Variants in SON observed in about 807,000 individuals in gnomAD.
SON encodes protein SON.
SON carries 4 observed loss-of-function variants against 173.3 expected under a neutral mutation model. The observed-to-expected ratio is 0.02, with a 90% CI of 0.01 to 0.05. The LOEUF (loss-of-function observed/expected upper bound fraction) is 0.05. Ranked by LOEUF, SON falls within the 10% of genes least tolerant of loss-of-function variation. SON has a pLI of 1.00. For synonymous variants in SON, 1,190 were observed against 1,105.9 expected, an observed-to-expected ratio of 1.08 and a Z score of -1.51; for missense variants, 2,626 against 3,055.3, an observed-to-expected ratio of 0.86 and a Z score of 3.31.
chr21:33,563,650 A>G (rs1410665461), intron 6 of SON, among the ~76,000 whole-genome samples: 1 of 152,178 alleles, frequency 6.6e-6, no homozygotes, highest in African/African-American at 2.4e-5. Flanking sequence ...AGTCTCTTAA[A>G]ATATTGTTCT....
chr21:33,573,217 T>A, intron 8 of SON, 91 bp from the exon 9 acceptor site: 1 of 1,073,128 alleles, frequency 9.3e-7, no homozygotes, highest in Non-Finnish European at 1.4e-6. Flanking sequence ...AGAAGTAAAG[T>A]AAGATTCCTC....
At chr21:33,556,489 G>A (rs1298008331) in intron 3 of SON, among the ~76,000 whole-genome samples, 1 of 152,104 alleles carries the variant, frequency 6.6e-6, no homozygotes, top group Non-Finnish European at 1.5e-5. Context: ...GAGGCAGGTG[G>A]ATCACCTGAG....
At chr21:33,543,228 C>A in intron 1 of SON, 59 bp downstream of exon 1, 2 of 1,417,594 alleles carry the variant, frequency 1.4e-6, no homozygotes, top group Non-Finnish European at 2.0e-6. Flanking sequence ...ACCTAGCCTT[C>A]TTTGGCACCT....
In SON at chr21:33,553,772, A is replaced by T. The variant is rs1386218528; in HGVS notation, c.4541A>T (p.His1514Leu). 6.2e-7 allele frequency: 1 copy of T among 1,614,006 alleles called. No homozygotes were observed. Among genetic ancestry groups the T allele is most frequent in the African/African-American group, 1.3e-5 (1 of 74,936 alleles). ...GCATTGCATTCAGGTGAAGAACCAC[A>T]TGCTGAGGAACACCTGAAAGGTGAC... Reference protein sequence around the residue: ...EIALHSGEEPHAEEHLKGDFY... With the variant: ...EIALHSGEEPLAEEHLKGDFY... Residue 1514 changes from histidine to leucine, a missense_variant, in exon 3 of 12, where the codon CAT (histidine) becomes CTT (leucine). Around this residue, in one of 13 missense-constraint regions of SON, gnomAD observed 1,006 missense variants for 895.6 expected, o/e 1.12. Transcript: ENST00000356577.
intron 6 of SON, among the ~76,000 whole-genome samples, chr21:33,563,879 G>A (rs1188331309): frequency 6.6e-6 from 1 of 152,174 alleles, no homozygotes; most frequent in East Asian, 1.9e-4. Flanking sequence ...GAGGGAGAGA[G>A]AGTGAAGAAT....
In SON at chr21:33,577,002, T is replaced by C. The variant is rs889988338; in HGVS notation, c.*578T>C. 13 of 171,920 alleles carry C rather than the reference T, an allele frequency of 7.6e-5. No homozygotes were observed. The highest frequency in any genetic ancestry group is 3.8e-4 in the Admixed American group (7 of 18,404). The allele number at this position is 171,920 out of a possible 1,614,324, so 10.6% of individuals were successfully genotyped here. A position where few individuals can be genotyped will look rare whatever the true frequency, so the allele number is the denominator to read the frequency against. ...CTGGACAGATAATGGGCCAGTGTTA[T>C]TGAGGTGATCAAGATCTGTTCCACA... is the stretch of plus-strand genomic sequence containing the variant. On this transcript the variant is annotated 3_prime_UTR_variant, in exon 12 of 12. Transcript: ENST00000356577.
In SON at chr21:33,573,352, C is replaced by T. The variant is rs771940753; in HGVS notation, c.6930C>T (p.Ala2310=). The change falls in exon 9 of 12, where the codon GCC becomes GCT. Residue 2310 remains alanine, a synonymous_variant. Coordinates refer to ENST00000356577, the MANE Select transcript of SON (RefSeq NM_138927.4). ...RAAPVTGGMG[A]VLMRKMGWRE... is the part of the protein sequence containing the mutation. The stretch of plus-strand genomic sequence containing the variant: ...CCCCGGTAACTGGAGGAATGGGAGC[C>T]GTTTTGATGAGAAAAATGGGCTGGA... The T allele has an allele frequency of 2.0e-5, 32 of 1,611,118 alleles. No homozygotes were observed. The Admixed American group carries it at 4.2e-4, about 21-fold the overall frequency.
chr21:33,543,273 C>A (rs1273846508), intron 1 of SON, 104 bp downstream of exon 1: 2 of 1,066,222 alleles, frequency 1.9e-6, no homozygotes, highest in African/African-American at 3.1e-5. Context: ...CGGCTCAGGC[C>A]CCGCTAGGGC....
chr21:33,575,584 T>A lies in SON; in HGVS notation c.7034-12T>A, dbSNP rs2086381952. The A allele has an allele frequency of 6.2e-7, 1 of 1,601,458 alleles. No homozygotes were observed. The highest frequency in any genetic ancestry group is 8.5e-7 in the Non-Finnish European group (1 of 1,174,654). ...CTTTGAAATTTATTTAGTGAACAAT[T>A]TTTTTTTAAAGGTCTTGTTGCAGTA... On this transcript the variant is annotated splice_polypyrimidine_tract_variant and intron_variant, in intron 9 of 11. Coordinates refer to ENST00000356577, the MANE Select transcript of SON (RefSeq NM_138927.4).
At chr21:33,567,399 A>G in intron 7 of SON, 132 bp downstream of exon 7, 1 of 625,142 alleles carries the variant, frequency 1.6e-6, no homozygotes, top group Non-Finnish European at 2.9e-6. Context: ...CCTTATTTTC[A>G]ATGTCTTATT....
intron 1 of SON, among the ~76,000 whole-genome samples, chr21:33,545,662 T>C (rs999668823): frequency 2.0e-5 from 3 of 152,266 alleles, no homozygotes; most frequent in African/African-American, 7.2e-5. Flanking sequence ...AAAAATTACA[T>C]AAATTATTTT....
In SON at chr21:33,549,905, A is replaced by G. The variant is rs1488711905; in HGVS notation, c.674A>G (p.Gln225Arg). Residue 225 changes from glutamine to arginine, a missense_variant, in exon 3 of 12, where the codon CAG (glutamine) becomes CGG (arginine). Coordinates refer to ENST00000356577, the MANE Select transcript of SON (RefSeq NM_138927.4). ...SVVSTSVISEQSEQSVAVMPE... is the reference protein window; with the variant it reads ...SVVSTSVISERSEQSVAVMPE... The stretch of plus-strand genomic sequence containing the variant: ...GTATCTACATCAGTAATCTCAGAGC[A>G]GTCAGAGCAGTCTGTGGCAGTAATG... 1 of 1,614,114 alleles carries G rather than the reference A, an allele frequency of 6.2e-7. No individual in the cohort carries two copies. The highest frequency in any genetic ancestry group is 2.2e-5 in the East Asian group (1 of 44,890).
At position 33,577,128 on chromosome 21, in the gene SON, GC is replaced by G. The variant is rs1276011161; in HGVS notation, c.*706del. Reference sequence around the variant, plus strand: ...CACTAAGTCCTGCATTCCTGTTAAAGCCACTTGGGTCATAAGAAGGGAGTAA... The same window carrying G: ...CACTAAGTCCTGCATTCCTGTTAAAGCACTTGGGTCATAAGAAGGGAGTAA... On this transcript the variant is annotated 3_prime_UTR_variant, in exon 12 of 12. Transcript: ENST00000356577. 2 of 153,088 alleles carry G rather than the reference GC, an allele frequency of 1.3e-5. No individual in the cohort carries two copies. The highest frequency in any genetic ancestry group is 4.8e-5 in the African/African-American group (2 of 41,460). The allele number at this position is 153,088 out of a possible 1,614,324, so 9.5% of individuals were successfully genotyped here.
At chr21:33,543,287 G>A in intron 1 of SON, 118 bp downstream of exon 1, 4 of 920,334 alleles carry the variant, frequency 4.3e-6, no homozygotes, top group Middle Eastern at 2.4e-4. Context: ...CTAGGGCCCC[G>A]CCTGGGCCTG....
intron 8 of SON, among the ~76,000 whole-genome samples, chr21:33,570,602 T>TC (rs2145876961): frequency 6.6e-6 from 1 of 152,322 alleles, no homozygotes; most frequent in African/African-American, 2.4e-5. Context: ...GACTTCTATA[T>TC]TATAGTTACT....
chr21:33,554,885 C>G lies in SON; in HGVS notation c.5654C>G (p.Ser1885Cys). 1 of 1,614,106 alleles carries G rather than the reference C, an allele frequency of 6.2e-7. No homozygotes were observed. The highest frequency in any genetic ancestry group is 8.5e-7 in the Non-Finnish European group (1 of 1,180,028). ...AGATCAAAGTCTAGAGGAAGAAGAT[C>G]TGTATCAAAAGAGAAGCGCAAAAGA... ...RSRSKSRGRR[S>C]VSKEKRKRSP... The change falls in exon 3 of 12, where the codon TCT becomes TGT. Residue 1885 changes from serine to cysteine, a missense_variant. Ser to Cys is a moderately radical substitution (Grantham distance 112). This residue lies in a region of SON where 1,006 missense variants were observed against 895.6 expected (regional missense o/e 1.12). Transcript: ENST00000356577.
At position 33,553,531 on chromosome 21, in the gene SON, T is replaced by A. The variant is rs536195114; in HGVS notation, c.4300T>A (p.Ser1434Thr). ...VSVLQPSMIVSEPSVSVQEST... is the reference protein window; with the variant it reads ...VSVLQPSMIVTEPSVSVQEST... ...AGTCCTTCAACCTTCTATGATTGTT[T>A]CAGAACCATCTGTTTCTGTCCAGGA... is the stretch of plus-strand genomic sequence containing the variant. The change falls in exon 3 of 12, where the codon TCA (serine) becomes ACA (threonine). Residue 1434 changes from serine to threonine, a missense_variant. Physicochemically the swap from Ser to Thr is moderately conservative, Grantham distance 58. Coordinates refer to ENST00000356577, the MANE Select transcript of SON (RefSeq NM_138927.4). The A allele has an allele frequency of 6.2e-7, 1 of 1,614,186 alleles. No individual in the cohort carries two copies. The highest frequency in any genetic ancestry group is 1.7e-5 in the Admixed American group (1 of 60,032).
rs1423269469 is a variant in SON at position 33,550,585 on chromosome 21, GAAT to G, written c.1355_1357del (p.Glu452_Leu453delinsVal). The G allele has an allele frequency of 6.2e-7, 1 of 1,613,796 alleles. No homozygotes were observed. Among genetic ancestry groups the G allele is most frequent in the Non-Finnish European group, 8.5e-7 (1 of 1,179,988 alleles). ...GACACCAGTGCCACAGTTGTCGCAG[GAAT>G]TGCCAGGGCTTCCAGCACCATCCAT... On this transcript the variant is annotated inframe_deletion, in exon 3 of 12. Transcript: ENST00000356577.
chr21:33,552,857 C>T lies in SON; in HGVS notation c.3626C>T (p.Ser1209Leu), dbSNP rs756095638. 19 of 1,614,012 alleles carry T rather than the reference C, an allele frequency of 1.2e-5. No individual in the cohort carries two copies. Among genetic ancestry groups the T allele is most frequent in the East Asian group, 6.7e-5 (3 of 44,896 alleles). Residue 1209 changes from serine (S) to leucine (L), a missense_variant, in exon 3 of 12, where the codon TCG (serine) becomes TTG (leucine). By Grantham distance (145) the Ser-to-Leu change is moderately radical. Coordinates refer to ENST00000356577, the MANE Select transcript of SON (RefSeq NM_138927.4). This position sits in a 1 kb window ranked among gnomAD's most constrained non-coding sequence, Gnocchi z 5.6. ...VPSSPSEESV[S>L]QPEPPVSQSE... is the part of the protein sequence containing the mutation. ...TCATCACCATCTGAAGAGTCTGTAT[C>T]GCAGCCTGAGCCTCCTGTGAGTCAA...
Sources: allele counts gnomAD v4.1 joint callset (sites outside exome capture counted in the v4.1 genomes callset), GRCh38; gene constraint gnomAD v4.1.1; regional missense constraint gnomAD v4.1.1; non-coding constraint Gnocchi (gnomAD v3.1); transcripts MANE v1.5; gene names NCBI Gene and HGNC (gene_info 2026-07-23, HGNC 2026-07-21).